CDH18: variants seen among roughly 807,000 people sequenced by gnomAD.
CDH18 encodes the protein cadherin-18.
A neutral mutation model predicts 67.9 loss-of-function variants in CDH18; 31 were observed. The observed-to-expected ratio is 0.46, with a 90% CI of 0.34 to 0.62. The LOEUF is 0.62. CDH18 is among the 20% of genes least tolerant of loss of function. The pLI is 0.01. For missense variants in CDH18, 890 were observed against 975.5 expected (o/e 0.91, Z 1.17); for synonymous variants, 362 against 347.2 (o/e 1.04, Z -0.48).
intron 1 of CDH18, among the ~76,000 whole-genome samples, chr5:20,536,561 C>T (rs1314691001): frequency 6.6e-6 from 1 of 152,140 alleles, no homozygotes; most frequent in Admixed American, 6.6e-5. Flanking sequence ...TGCTTCTGAA[C>T]TACTTCTTAT....
intron 2 of CDH18, among the ~76,000 whole-genome samples, chr5:20,166,382 G>C (rs1368366244): frequency 7.1e-6 from 1 of 140,830 alleles, no homozygotes; most frequent in Non-Finnish European, 1.5e-5. Flanking sequence ...GGAGGTTGTA[G>C]TGAGCCAAGA....
intron 1 of CDH18, among the ~76,000 whole-genome samples, chr5:20,435,795 G>A (rs1749124556): frequency 6.6e-6 from 1 of 152,006 alleles, no homozygotes. Context: ...ACAAGTATCT[G>A]TGAGAACACA....
chr5:19,995,474 G>T (rs955812167), intron 2 of CDH18, among the ~76,000 whole-genome samples: 1 of 151,968 alleles, frequency 6.6e-6, no homozygotes, highest in Non-Finnish European at 1.5e-5. Flanking sequence ...AAGACATAGA[G>T]TCAAGCCATA....
At chr5:20,303,224 T>C (rs559278934) in intron 1 of CDH18, among the ~76,000 whole-genome samples, 1 of 152,248 alleles carries the variant, frequency 6.6e-6, no homozygotes, top group South Asian at 2.1e-4. Context: ...TCTAGGATGG[T>C]CTCATTTGAC....
chr5:20,028,404 T>G (rs1739101963), intron 2 of CDH18, among the ~76,000 whole-genome samples: 1 of 152,170 alleles, frequency 6.6e-6, no homozygotes, highest in Non-Finnish European at 1.5e-5. Flanking sequence ...ATAACACACA[T>G]GTATGTAACT....
chr5:20,513,351 T>A (rs1463455920), intron 1 of CDH18, among the ~76,000 whole-genome samples: 3 of 152,152 alleles, frequency 2.0e-5, no homozygotes, highest in Admixed American at 2.0e-4. Flanking sequence ...AATCTCTTAA[T>A]TGTCATTACA....
At chr5:19,778,029 TAATC>T (rs1461060772) in intron 3 of CDH18, among the ~76,000 whole-genome samples, 3 of 152,176 alleles carry the variant, frequency 2.0e-5, no homozygotes, top group African/African-American at 7.2e-5. Flanking sequence ...TATTAAATTT[TAATC>T]AAGAAGAAAA....
chr5:19,642,194 G>A (rs1284773627), intron 5 of CDH18, among the ~76,000 whole-genome samples: 1 of 151,792 alleles, frequency 6.6e-6, no homozygotes, highest in Non-Finnish European at 1.5e-5. Flanking sequence ...TAGATAAATG[G>A]AAAGACAGCA....
chr5:20,515,870 A>T (rs115807629), intron 1 of CDH18, among the ~76,000 whole-genome samples: 2,632 of 152,158 alleles, frequency 0.017, 31 homozygotes, highest in African/African-American at 0.03. Flanking sequence ...CAAGTCTATC[A>T]TCAGCAGAGT....
intron 2 of CDH18, among the ~76,000 whole-genome samples, chr5:20,134,946 G>T (rs529258791): frequency 6.6e-6 from 1 of 152,018 alleles, no homozygotes. Context: ...CTTCATAATT[G>T]CTTCTCCAGT....
chr5:20,494,552 T>C (rs542825143), intron 1 of CDH18, among the ~76,000 whole-genome samples: 1 of 152,228 alleles, frequency 6.6e-6, no homozygotes, highest in Non-Finnish European at 1.5e-5. Flanking sequence ...AGAAAATAAC[T>C]GTTTTCTCAT....
chr5:19,582,458 A>C (rs1385246536), intron 7 of CDH18, among the ~76,000 whole-genome samples: 2 of 152,048 alleles, frequency 1.3e-5, no homozygotes, highest in Non-Finnish European at 2.9e-5. Context: ...ATAGATGAAC[A>C]GCATGAAAAA....
At chr5:19,896,527 G>A (rs1179487761) in intron 2 of CDH18, among the ~76,000 whole-genome samples, 1 of 152,106 alleles carries the variant, frequency 6.6e-6, no homozygotes, top group East Asian at 1.9e-4. Context: ...CAGCCACTGG[G>A]AGCTGGAAGG....
At chr5:19,623,923 A>G (rs2150151190) in intron 5 of CDH18, among the ~76,000 whole-genome samples, 1 of 150,114 alleles carries the variant, frequency 6.7e-6, no homozygotes, top group South Asian at 2.1e-4. Flanking sequence ...TAATTTATAA[A>G]AAATGATTTA....
chr5:20,040,916 A>C (rs1237427041), intron 2 of CDH18, among the ~76,000 whole-genome samples: 1 of 152,228 alleles, frequency 6.6e-6, no homozygotes, highest in East Asian at 1.9e-4. Flanking sequence ...TCCACATTGC[A>C]CACAGATTGT....
At chr5:19,918,836 G>A (rs1792118831) in intron 2 of CDH18, among the ~76,000 whole-genome samples, 1 of 152,016 alleles carries the variant, frequency 6.6e-6, no homozygotes, top group Admixed American at 6.5e-5. Flanking sequence ...AATGACAGAG[G>A]TGATAAGCGT....
At chr5:19,742,756 T>TCA (rs1554020674) in intron 4 of CDH18, among the ~76,000 whole-genome samples, 15 of 151,928 alleles carry the variant, frequency 9.9e-5, no homozygotes, top group African/African-American at 3.4e-4. Context: ...TCTCTCTCTC[T>TCA]CACTCAAGAA....
chr5:19,729,425 G>A (rs1216931499), intron 4 of CDH18, among the ~76,000 whole-genome samples: 1 of 152,206 alleles, frequency 6.6e-6, no homozygotes, highest in African/African-American at 2.4e-5. Flanking sequence ...ATTTTGATAT[G>A]TAGCAGTCTT....
intron 5 of CDH18, among the ~76,000 whole-genome samples, chr5:19,692,584 A>G (rs1388502178): frequency 2.0e-5 from 3 of 152,050 alleles, no homozygotes; most frequent in African/African-American, 7.2e-5. Context: ...AAAAATATAC[A>G]TTTCTAATAA....
Sources: gnomAD v4.1 joint callset for allele counts (sites outside exome capture counted in the v4.1 genomes callset) on GRCh38, gnomAD v4.1.1 for gene constraint, MANE v1.5 for transcripts, NCBI Gene and HGNC (gene_info 2026-07-23, HGNC 2026-07-21) for gene names.